Variants in FAM20A observed in about 807,000 individuals in gnomAD.
FAM20A encodes the protein pseudokinase FAM20A.
A neutral mutation model predicts 52.0 loss-of-function variants in FAM20A; 42 were observed. That is an observed-to-expected ratio of 0.81 (90% CI 0.63 to 1.04). The LOEUF (loss-of-function observed/expected upper bound fraction) is 1.04. Ranked by LOEUF, FAM20A falls within the 50% of genes least tolerant of loss-of-function variation. The pLI is 0.00. For missense variants in FAM20A, 742 were observed against 712.7 expected, an observed-to-expected ratio of 1.04 and a Z score of -0.47; for synonymous variants, 304 against 298.9, an observed-to-expected ratio of 1.02 and a Z score of -0.18.
At chr17:68,589,252 A>C (rs2088238294) in intron 1 of FAM20A, among the ~76,000 whole-genome samples, 1 of 152,220 alleles carries the variant, frequency 6.6e-6, no homozygotes. Flanking sequence ...CATGGGAGGC[A>C]GTACAGCCAA....
At position 68,536,564 on chromosome 17, in the gene FAM20A, C is replaced by T. The variant is rs1002076214; in HGVS notation, c.*913G>A. 1.6e-4 allele frequency: 71 copies of T among 453,796 alleles called. No homozygotes were observed. The Admixed American group carries it at 1.7e-3, about 11-fold the overall frequency. 28.1% of individuals were successfully genotyped at this position (453,796 alleles called of 1,614,324 possible). A position where few individuals can be genotyped will look rare whatever the true frequency, so the allele number is the denominator to read the frequency against. On this transcript the variant is annotated 3_prime_UTR_variant, in exon 11 of 11. Coordinates refer to ENST00000592554, the MANE Select transcript of FAM20A (RefSeq NM_017565.4). ...GGGCATCTAGAGGGCCTCACCTTTC[C>T]ACATAGCCCCTTTCTTCTTTTGGGG...
chr17:68,555,475 C>T lies in FAM20A; in HGVS notation c.589+84G>A. Reference sequence around the variant, plus strand: ...TGTCCATGTCAAGCCTCTAATGTTCCACTCTGGAGCCTAGCCTGGGATGCT... The same window carrying T: ...TGTCCATGTCAAGCCTCTAATGTTCTACTCTGGAGCCTAGCCTGGGATGCT... On this transcript the variant is annotated intron_variant, in intron 2 of 10. Transcript: ENST00000592554. 2.7e-6 allele frequency: 4 copies of T among 1,477,206 alleles called. No homozygotes were observed. In the Admixed American group the frequency reaches 6.7e-5, roughly 25 times the overall value. 91.5% of individuals were successfully genotyped at this position (1,477,206 alleles called of 1,614,324 possible). A position where few individuals can be genotyped will look rare whatever the true frequency, so the allele number is the denominator to read the frequency against.
intron 1 of FAM20A, among the ~76,000 whole-genome samples, chr17:68,568,789 C>T (rs940481528): frequency 2.1e-5 from 3 of 145,488 alleles, no homozygotes; most frequent in Admixed American, 6.8e-5. Context: ...CCCAGATAAT[C>T]CAGGTTTATC....
At chr17:68,553,863 TATAC>T (rs2086951870) in intron 3 of FAM20A, among the ~76,000 whole-genome samples, 1 of 149,646 alleles carries the variant, frequency 6.7e-6, no homozygotes, top group Non-Finnish European at 1.5e-5. Context: ...TATATACATA[TATAC>T]ACACATGCAT....
chr17:68,559,051 C>T (rs879661121), intron 1 of FAM20A, among the ~76,000 whole-genome samples: 4 of 152,216 alleles, frequency 2.6e-5, no homozygotes, highest in Non-Finnish European at 4.4e-5. Flanking sequence ...AGCCACCACA[C>T]CTCGCCAGAT....
intron 1 of FAM20A, among the ~76,000 whole-genome samples, chr17:68,597,870 CT>C (rs2088497842): frequency 6.6e-6 from 1 of 152,264 alleles, no homozygotes; most frequent in Admixed American, 6.5e-5. Flanking sequence ...GGCAGGCCCC[CT>C]GTCTTCATCA....
rs757671191 is a variant in FAM20A at position 68,542,905 on chromosome 17, G to C, written c.813-96C>G. 5.2e-6 allele frequency: 5 copies of C among 952,608 alleles called. No individual in the cohort carries two copies. The East Asian group carries it at 1.2e-4, about 23-fold the overall frequency. The allele number at this position is 952,608 out of a possible 1,614,324, so 59.0% of individuals were successfully genotyped here. ...GCCAGTGCACATTAGGAATTGGCTGGTGTACCCAGGAGGGTGGCCGGTGAG... is the reference window on the plus strand; with the variant it reads ...GCCAGTGCACATTAGGAATTGGCTGCTGTACCCAGGAGGGTGGCCGGTGAG... On this transcript the variant is annotated intron_variant, in intron 5 of 10. Coordinates refer to ENST00000592554, the MANE Select transcript of FAM20A (RefSeq NM_017565.4).
In FAM20A at chr17:68,535,512, T is replaced by A. The variant is rs2086074281; in HGVS notation, c.*1965A>T. Reference sequence around the variant, plus strand: ...TTACCCAGATATTTTCCCATTTCTGTGTGTGATCTCCTGGTTCTTCATCCA... The same window carrying A: ...TTACCCAGATATTTTCCCATTTCTGAGTGTGATCTCCTGGTTCTTCATCCA... On this transcript the variant is annotated 3_prime_UTR_variant, in exon 11 of 11. Transcript: ENST00000592554. 1 of 453,984 alleles carries A rather than the reference T, an allele frequency of 2.2e-6. No individual in the cohort carries two copies. The highest frequency in any genetic ancestry group is 2.0e-5 in the African/African-American group (1 of 49,994). 28.1% of individuals were successfully genotyped at this position (453,984 alleles called of 1,614,324 possible). A position where few individuals can be genotyped will look rare whatever the true frequency, so the allele number is the denominator to read the frequency against.
At position 68,584,658 on chromosome 17, in the gene FAM20A, T is replaced by C. The variant is rs528266143; in HGVS notation, c.404+15605A>G. On this transcript the variant is annotated intron_variant, in intron 1 of 10. Coordinates refer to ENST00000592554, the MANE Select transcript of FAM20A (RefSeq NM_017565.4). ...TGAGTAAATAATACTTCTGGATGAG[T>C]TGGGCATAGCATCTCCTGCCAGGAG... Among the ~76,000 whole-genome samples, 15 of 152,294 alleles carry C rather than the reference T, an allele frequency of 9.8e-5. No individual in the cohort carries two copies. In the East Asian group the frequency reaches 2.7e-3, roughly 27 times the overall value.
At chr17:68,541,030 CCCCTGCCCCCCCAAT>C in intron 7 of FAM20A, 72 bp from the exon 8 acceptor site, 1 of 1,545,502 alleles carries the variant, frequency 6.5e-7, no homozygotes, top group Non-Finnish European at 8.7e-7. Flanking sequence ...CCCACACCTC[CCCCTGCCCCCCCAAT>C]CCCTGCCTCC....
At chr17:68,583,199 T>C (rs758984666) in intron 1 of FAM20A, among the ~76,000 whole-genome samples, 10 of 152,226 alleles carry the variant, frequency 6.6e-5, no homozygotes, top group Admixed American at 2.6e-4. Context: ...TGGGTTACAA[T>C]GATGAAGACA....
chr17:68,582,737 A>C (rs1465753473), intron 1 of FAM20A, among the ~76,000 whole-genome samples: 1 of 146,820 alleles, frequency 6.8e-6, no homozygotes, highest in African/African-American at 2.5e-5. Context: ...GGAGGAAATG[A>C]GCCTTGGCCC....
intron 1 of FAM20A, among the ~76,000 whole-genome samples, chr17:68,581,856 G>A (rs577261554): frequency 2.8e-3 from 428 of 152,236 alleles, no homozygotes; most frequent in African/African-American, 9.6e-3. Flanking sequence ...TTACAGGTGG[G>A]AGCCACTGTG....
intron 8 of FAM20A, 96 bp downstream of exon 8, chr17:68,540,753 C>T (rs2086249266): frequency 6.8e-7 from 1 of 1,467,100 alleles, no homozygotes; most frequent in Non-Finnish European, 9.3e-7. Context: ...ACTCAGTCCT[C>T]ATGAACCAGG....
intron 1 of FAM20A, among the ~76,000 whole-genome samples, chr17:68,580,408 G>A (rs2087909866): frequency 6.6e-6 from 1 of 152,068 alleles, no homozygotes; most frequent in African/African-American, 2.4e-5. Flanking sequence ...TTCCTTTCTC[G>A]TTAAAATACA....
chr17:68,563,643 G>A (rs1186375578), intron 1 of FAM20A, among the ~76,000 whole-genome samples: 1 of 151,996 alleles, frequency 6.6e-6, no homozygotes, highest in Non-Finnish European at 1.5e-5. Context: ...AACATGATAG[G>A]CATCTTTCTC....
At chr17:68,586,719 C>T (rs191814205) in intron 1 of FAM20A, among the ~76,000 whole-genome samples, 1 of 152,202 alleles carries the variant, frequency 6.6e-6, no homozygotes, top group African/African-American at 2.4e-5. Context: ...GATTTCTATC[C>T]TTTAGAACTG....
At chr17:68,578,674 C>T (rs1373720937) in intron 1 of FAM20A, among the ~76,000 whole-genome samples, 1 of 151,790 alleles carries the variant, frequency 6.6e-6, no homozygotes, top group South Asian at 2.1e-4. Flanking sequence ...CCAGGCTTCT[C>T]TCACTCCTTC....
chr17:68,550,340 G>T (rs1365516865), intron 4 of FAM20A, among the ~76,000 whole-genome samples: 6 of 135,416 alleles, frequency 4.4e-5, no homozygotes, highest in Non-Finnish European at 8.0e-5. Flanking sequence ...CTAGGATTTT[G>T]GATCTTTCAC....
Sources: gnomAD v4.1 joint callset for allele counts (sites outside exome capture counted in the v4.1 genomes callset) on GRCh38, gnomAD v4.1.1 for gene constraint, MANE v1.5 for transcripts, NCBI Gene and HGNC (gene_info 2026-07-23, HGNC 2026-07-21) for gene names.